Variants in GABRG1 observed in about 807,000 individuals in gnomAD.
GABRG1 encodes the protein gamma-aminobutyric acid receptor subunit gamma-1.
GABRG1 carries 49 observed loss-of-function variants against 49.8 expected under a neutral mutation model. That is an observed-to-expected ratio of 0.98 (90% CI 0.78 to 1.25). The LOEUF is 1.25. GABRG1 is among the 50% of genes most tolerant of loss of function. The pLI is 0.00. For synonymous variants in GABRG1, 232 were observed against 185.1 expected, an observed-to-expected ratio of 1.25 and a Z score of -2.06; for missense variants, 552 against 552.3, an observed-to-expected ratio of 1.00 and a Z score of 0.01.
At chr4:46,073,363 A>G (rs1032767407) in intron 3 of GABRG1, among the ~76,000 whole-genome samples, 1 of 151,972 alleles carries the variant, frequency 6.6e-6, no homozygotes, top group Non-Finnish European at 1.5e-5. Context: ...CTGATCATGT[A>G]CTCCACAATT....
chr4:46,056,668 G>A (rs1262682052), intron 7 of GABRG1, among the ~76,000 whole-genome samples: 1 of 151,982 alleles, frequency 6.6e-6, no homozygotes, highest in Non-Finnish European at 1.5e-5. Flanking sequence ...TTTATTCACT[G>A]TTAACACTAA....
Position 46,051,623 on chromosome 4 carries a change from A to C in GABRG1, c.932T>G (p.Leu311Arg). ...AATTGTACTCAGGGTTGTCATAGTC[A>C]GAACTGTAGTGATACCTATAGAGAG... is the stretch of plus-strand genomic sequence containing the variant. ...ARTSLGITTV[L>R]TMTTLSTIAR... The change falls in exon 8 of 9, where the codon CTG becomes CGG. Residue 311 changes from leucine to arginine, a missense_variant. Transcript: ENST00000295452. 1 of 1,605,268 alleles carries C rather than the reference A, an allele frequency of 6.2e-7. No individual in the cohort carries two copies. Among genetic ancestry groups the C allele is most frequent in the Non-Finnish European group, 8.5e-7 (1 of 1,173,132 alleles).
In GABRG1 at chr4:46,097,215, C is replaced by T. The variant is rs758600023; in HGVS notation, c.239G>A (p.Arg80His). 2.7e-5 allele frequency: 43 copies of T among 1,606,894 alleles called. No individual in the cohort carries two copies. The Admixed American group carries it at 3.9e-4, about 15-fold the overall frequency. ...CTCAAGCTTACCTCCTATATCTGGA[C>T]GAAGTTTATTGTCATAGCCTTGAAG... ...SLLQGYDNKL[R>H]PDIGVRPTVI... The change falls in exon 2 of 9, where the codon CGT becomes CAT. Residue 80 changes from arginine to histidine, a missense_variant. Arg to His is a conservative substitution (Grantham distance 29, BLOSUM62 0). Transcript: ENST00000295452.
intron 3 of GABRG1, among the ~76,000 whole-genome samples, chr4:46,072,232 T>C (rs923823676): frequency 2.6e-5 from 4 of 152,110 alleles, no homozygotes; most frequent in African/African-American, 9.7e-5. Flanking sequence ...CAGTATGTAG[T>C]AGACTATACC....
At position 46,123,805 on chromosome 4, in the gene GABRG1, C is replaced by T; in HGVS notation, c.104+5G>A. The stretch of plus-strand genomic sequence containing the variant: ...GAATAGTTTTAAACCCCTGAATTTA[C>T]TCACCAGTTTCCCAAATGCAGGGTC... On this transcript the variant is annotated splice_donor_5th_base_variant and intron_variant, in intron 1 of 8. Coordinates refer to ENST00000295452, the MANE Select transcript of GABRG1 (RefSeq NM_173536.4). The T allele has an allele frequency of 6.2e-7, 1 of 1,603,890 alleles. No individual in the cohort carries two copies. The highest frequency in any genetic ancestry group is 8.5e-7 in the Non-Finnish European group (1 of 1,170,944).
At position 46,064,488 on chromosome 4, in the gene GABRG1, T is replaced by C. The variant is rs1251577267; in HGVS notation, c.578A>G (p.His193Arg). The change falls in exon 5 of 9, where the codon CAT becomes CGT. Residue 193 changes from histidine to arginine, a missense_variant. Transcript: ENST00000295452. ...TINAECYLQLHNFPMDEHSCP... is the reference protein window; with the variant it reads ...TINAECYLQLRNFPMDEHSCP... ...GGAATGTTCATCCATGGGAAAGTTA[T>C]GAAGCTGAAGATAACATTCTGCATT... is the stretch of plus-strand genomic sequence containing the variant. 6.5e-7 allele frequency: 1 copy of C among 1,542,464 alleles called. No individual in the cohort carries two copies. The highest frequency in any genetic ancestry group is 2.0e-5 in the Admixed American group (1 of 50,576).
intron 8 of GABRG1, 38 bp from the exon 9 acceptor site, chr4:46,041,292 A>G (rs771247467): frequency 1.4e-5 from 23 of 1,598,388 alleles, no homozygotes; most frequent in Non-Finnish European, 1.8e-5. Flanking sequence ...ACATCAAAAA[A>G]GTAGCATAAG....
intron 1 of GABRG1, among the ~76,000 whole-genome samples, chr4:46,098,648 A>G (rs1487332074): frequency 6.6e-6 from 1 of 151,742 alleles, no homozygotes; most frequent in East Asian, 2.0e-4. Flanking sequence ...TGTTTATTTT[A>G]TGTTGGACTA....
At chr4:46,095,951 C>T (rs1720151295) in intron 2 of GABRG1, among the ~76,000 whole-genome samples, 1 of 151,708 alleles carries the variant, frequency 6.6e-6, no homozygotes, top group Admixed American at 6.6e-5. Flanking sequence ...CAATAGTTAT[C>T]TTTTTTGCTC....
chr4:46,098,086 T>C (rs995835026), intron 1 of GABRG1, among the ~76,000 whole-genome samples: 9 of 151,634 alleles, frequency 5.9e-5, no homozygotes, highest in African/African-American at 2.2e-4. Flanking sequence ...CACAGAAAAA[T>C]AGCCAAAACA....
chr4:46,103,115 G>T (rs975015919), intron 1 of GABRG1, among the ~76,000 whole-genome samples: 5 of 151,490 alleles, frequency 3.3e-5, no homozygotes, highest in African/African-American at 9.7e-5. Context: ...CAAATTTCCT[G>T]GTTCTGACAC....
At chr4:46,084,206 TA>T (rs1405579575) in intron 2 of GABRG1, among the ~76,000 whole-genome samples, 153 bp from the exon 3 acceptor site, 1 of 151,696 alleles carries the variant, frequency 6.6e-6, no homozygotes, top group African/African-American at 2.4e-5. Flanking sequence ...GTAGCCTTTA[TA>T]AAAAACAATC....
At position 46,100,152 on chromosome 4, in the gene GABRG1, A is replaced by G. The variant is rs117353575; in HGVS notation, c.105-2803T>C. Among the ~76,000 whole-genome samples, 48 of 151,886 alleles carry G rather than the reference A, an allele frequency of 3.2e-4. No individual in the cohort carries two copies. The East Asian group carries it at 9.0e-3, about 28-fold the overall frequency. ...TTGTGTACAGTATAGAAATTTTGTT[A>G]TATGATTTCCTTCAAATAATTTCCT... On this transcript the variant is annotated intron_variant, in intron 1 of 8. Transcript: ENST00000295452.
chr4:46,094,146 T>G (rs1160443130), intron 2 of GABRG1, among the ~76,000 whole-genome samples: 2 of 151,932 alleles, frequency 1.3e-5, no homozygotes, highest in African/African-American at 4.8e-5. Context: ...ATAAATTCCC[T>G]GTGTCTTCAT....
chr4:46,051,891 A>G (rs1000918159), intron 7 of GABRG1, among the ~76,000 whole-genome samples: 3 of 151,752 alleles, frequency 2.0e-5, no homozygotes, highest in Non-Finnish European at 4.4e-5. Context: ...CCCTTCCTCC[A>G]TTGTAATAGA....
chr4:46,069,582 A>T (rs1719044432), intron 3 of GABRG1, among the ~76,000 whole-genome samples: 1 of 152,148 alleles, frequency 6.6e-6, no homozygotes, highest in Non-Finnish European at 1.5e-5. Flanking sequence ...CATCAGCAAT[A>T]CAGGAGAGAG....
chr4:46,092,094 A>T (rs2109428268), intron 2 of GABRG1, among the ~76,000 whole-genome samples: 1 of 152,180 alleles, frequency 6.6e-6, no homozygotes, highest in East Asian at 1.9e-4. Flanking sequence ...AGGCAATACA[A>T]AATAATTTTC....
chr4:46,048,420 AAG>A lies in GABRG1; in HGVS notation c.1131+3002_1131+3003del, dbSNP rs1560348344. ...GAAGGAAGGAAGGAAGGAAGGAAGGAAGGTTCTTCCAAGGTAGAAAAAAGAGC... is the reference window on the plus strand; with the variant it reads ...GAAGGAAGGAAGGAAGGAAGGAAGGAGTTCTTCCAAGGTAGAAAAAAGAGC... On this transcript the variant is annotated intron_variant, in intron 8 of 8. Coordinates refer to ENST00000295452, the MANE Select transcript of GABRG1 (RefSeq NM_173536.4). 6.4e-5 allele frequency among the ~76,000 whole-genome samples: 9 copies of A among 140,042 alleles called. No individual in the cohort carries two copies. The South Asian group carries it at 1.8e-3, about 29-fold the overall frequency. The allele number at this position is 140,042 out of a possible 152,430, so 91.9% of individuals were successfully genotyped here.
Position 46,041,095 on chromosome 4 carries a change from T to A in GABRG1, c.1291A>T (p.Arg431Trp). 1 of 1,613,256 alleles carries A rather than the reference T, an allele frequency of 6.2e-7. No individual in the cohort carries two copies. The highest frequency in any genetic ancestry group is 8.5e-7 in the Non-Finnish European group (1 of 1,179,444). ...ATTTTGGCAATGCGTATGTGTATCCTTCCTTCCCTCCAAGATCCTGTTCTG... is the reference window on the plus strand; with the variant it reads ...ATTTTGGCAATGCGTATGTGTATCCATCCTTCCCTCCAAGATCCTGTTCTG... ...DCRTGSWREG[R>W]IHIRIAKIDS... Residue 431 changes from arginine (R) to tryptophan (W), a missense_variant, in exon 9 of 9, where the codon AGG becomes TGG. Coordinates refer to ENST00000295452, the MANE Select transcript of GABRG1 (RefSeq NM_173536.4).
Sources: gnomAD v4.1 joint callset for allele counts (sites outside exome capture counted in the v4.1 genomes callset) on GRCh38, gnomAD v4.1.1 for gene constraint, MANE v1.5 for transcripts, NCBI Gene and HGNC (gene_info 2026-07-23, HGNC 2026-07-21) for gene names.